CDK13: variants seen among roughly 807,000 people sequenced by gnomAD.
CDK13 encodes cyclin dependent kinase 13.
A neutral mutation model predicts 137.6 loss-of-function variants in CDK13; 40 were observed. The ratio of observed to expected loss-of-function variants is 0.29; its 90% CI spans 0.23 to 0.38. The LOEUF is 0.38. Among genes scored for constraint, CDK13 ranks in the 10% least tolerant of loss-of-function variants. CDK13 has a pLI of 1.00. For synonymous variants in CDK13, 869 were observed against 760.1 expected (o/e 1.14, Z -2.36); for missense variants, 1,704 against 1,951.8 (o/e 0.87, Z 2.39).
At position 39,955,822 on chromosome 7, in the gene CDK13, G is replaced by T. The variant is rs1384703257; in HGVS notation, c.1211+3970G>T. 2.0e-5 allele frequency among the ~76,000 whole-genome samples: 3 copies of T among 151,870 alleles called. No individual in the cohort carries two copies. In the East Asian group the frequency reaches 5.8e-4, roughly 29 times the overall value. Reference sequence around the variant, plus strand: ...GGTGGTGGTTTTCCAGAATTATTTTGATCTGAAGTTACTGATGTCAGATTA... The same window carrying T: ...GGTGGTGGTTTTCCAGAATTATTTTTATCTGAAGTTACTGATGTCAGATTA... On this transcript the variant is annotated intron_variant, in intron 1 of 13. Coordinates refer to ENST00000181839, the MANE Select transcript of CDK13 (RefSeq NM_003718.5).
At chr7:40,011,378 A>G (rs965879033) in intron 5 of CDK13, among the ~76,000 whole-genome samples, 1 of 152,182 alleles carries the variant, frequency 6.6e-6, no homozygotes, top group African/African-American at 2.4e-5. Flanking sequence ...ATTTACATAA[A>G]TCAAAATCTT....
intron 1 of CDK13, among the ~76,000 whole-genome samples, chr7:39,969,590 G>T (rs1206255508): frequency 1.3e-5 from 2 of 152,118 alleles, no homozygotes; most frequent in Non-Finnish European, 2.9e-5. Context: ...GTCCCATGGT[G>T]TTTTTCAAAA....
At position 39,962,319 on chromosome 7, in the gene CDK13, A is replaced by G. The variant is rs534633058; in HGVS notation, c.1211+10467A>G. ...CCTGTTGTTTCCTGACTTTTTAATG[A>G]TCACCATTCTAACTGGTGTGAGATG... On this transcript the variant is annotated intron_variant, in intron 1 of 13. Transcript: ENST00000181839. 1.5e-3 allele frequency among the ~76,000 whole-genome samples: 231 copies of G among 152,276 alleles called. 1 individual carries two copies. The highest frequency in any genetic ancestry group is 5.4e-3 in the African/African-American group (225 of 41,564).
Position 39,996,875 on chromosome 7 carries a change from A to G in CDK13, c.1872-619A>G, listed in dbSNP as rs572939615. On this transcript the variant is annotated intron_variant, in intron 2 of 13. Transcript: ENST00000181839. ...CTATTTGGGAGGCTTGAGACAAGAT[A>G]ATCGCTTGAACCCAGGAGGTGGAGG... 9.4e-5 allele frequency among the ~76,000 whole-genome samples: 14 copies of G among 149,082 alleles called. No homozygotes were observed. In the East Asian group the frequency reaches 1.0e-3, roughly 11 times the overall value.
intron 1 of CDK13, among the ~76,000 whole-genome samples, chr7:39,979,245 TC>T (rs1784174909): frequency 6.6e-6 from 1 of 151,000 alleles, no homozygotes; most frequent in Non-Finnish European, 1.5e-5. Flanking sequence ...GACAGAGTTT[TC>T]GCTCTTGTTG....
chr7:40,045,737 T>C, intron 5 of CDK13, 99 bp from the exon 6 acceptor site: 1 of 747,822 alleles, frequency 1.3e-6, no homozygotes, highest in Non-Finnish European at 2.2e-6. Flanking sequence ...TTTTCAAGGA[T>C]TAATTCTTCC....
intron 2 of CDK13, among the ~76,000 whole-genome samples, chr7:39,992,619 G>A (rs1218003525): frequency 6.6e-6 from 1 of 151,784 alleles, no homozygotes; most frequent in Admixed American, 6.6e-5. Flanking sequence ...TAATCTAACA[G>A]AAATAAATAA....
In CDK13 at chr7:40,006,739, G is replaced by A. The variant is rs367632007; in HGVS notation, c.2353+4708G>A. ...AGAGGTTGCAGTGAGCCGAGATTGC[G>A]CCACTGCACTCCAGCCTGGGCGACA... is the stretch of plus-strand genomic sequence containing the variant. On this transcript the variant is annotated intron_variant, in intron 5 of 13. Transcript: ENST00000181839. Among the ~76,000 whole-genome samples the A allele has an allele frequency of 7.8e-4, 119 of 152,206 alleles. 1 individual carries two copies. The South Asian group carries it at 0.022, about 28-fold the overall frequency.
In CDK13 at chr7:40,080,437, CAGTT is replaced by C. The variant is rs541793858; in HGVS notation, c.3029+1589_3029+1592del. Among the ~76,000 whole-genome samples, 5 of 152,118 alleles carry C rather than the reference CAGTT, an allele frequency of 3.3e-5. No individual in the cohort carries two copies. The South Asian group carries it at 1.0e-3, about 31-fold the overall frequency. Reference sequence around the variant, plus strand: ...TTCAAATCCTGGTTCTTCTGCTTATCAGTTAGATAGTGCTTATTATATTTCTATG... The same window carrying C: ...TTCAAATCCTGGTTCTTCTGCTTATCAGATAGTGCTTATTATATTTCTATG... On this transcript the variant is annotated intron_variant, in intron 11 of 13. Coordinates refer to ENST00000181839, the MANE Select transcript of CDK13 (RefSeq NM_003718.5).
At chr7:40,065,075 T>C (rs1017650964) in intron 9 of CDK13, among the ~76,000 whole-genome samples, 2 of 147,888 alleles carry the variant, frequency 1.4e-5, no homozygotes, top group African/African-American at 4.9e-5. Flanking sequence ...TCCCAAAATG[T>C]GTCATACCTT....
chr7:39,961,738 A>C (rs1783738799), intron 1 of CDK13, among the ~76,000 whole-genome samples: 1 of 151,836 alleles, frequency 6.6e-6, no homozygotes, highest in Non-Finnish European at 1.5e-5. Context: ...TGCACCCATT[A>C]ACTCATCATT....
chr7:40,027,155 C>T (rs996795352), intron 5 of CDK13, among the ~76,000 whole-genome samples: 8 of 152,140 alleles, frequency 5.3e-5, no homozygotes, highest in African/African-American at 1.9e-4. Flanking sequence ...ACCAGCCTGG[C>T]CACCATGGTG....
intron 5 of CDK13, among the ~76,000 whole-genome samples, chr7:40,036,794 A>G (rs1280862715): frequency 6.6e-6 from 1 of 152,048 alleles, no homozygotes; most frequent in African/African-American, 2.4e-5. Flanking sequence ...TGGAGAGACA[A>G]TAGATAATGA....
chr7:39,976,315 TCTCTCTCTCACACACACA>T (rs1784106322), intron 1 of CDK13, among the ~76,000 whole-genome samples: 1 of 68,616 alleles, frequency 1.5e-5, no homozygotes, highest in East Asian at 4.0e-4. Context: ...TCTCTCTCTC[TCTCTCTCTCACACACACA>T]CACACACACA....
chr7:39,995,278 A>G (rs1004419870), intron 2 of CDK13, among the ~76,000 whole-genome samples: 3 of 152,180 alleles, frequency 2.0e-5, no homozygotes, highest in Non-Finnish European at 4.4e-5. Context: ...GTTTTAAATT[A>G]TAAGTGAAAT....
chr7:40,081,803 G>T (rs185505178), intron 11 of CDK13, among the ~76,000 whole-genome samples: 5 of 152,062 alleles, frequency 3.3e-5, no homozygotes, highest in Admixed American at 3.3e-4. Flanking sequence ...GTAGAGACAG[G>T]GTTTCTCCAT....
chr7:40,067,897 C>T (rs1301831286), intron 9 of CDK13: 1 of 152,138 alleles, frequency 6.6e-6, no homozygotes, highest in African/African-American at 2.4e-5. Flanking sequence ...GAGTTTGAGA[C>T]CAGCCCGGCC....
chr7:39,986,507 C>G (rs1338969913), intron 1 of CDK13: 1 of 152,188 alleles, frequency 6.6e-6, no homozygotes. Flanking sequence ...CTATTTGTGG[C>G]ATAGTTCTTT....
At chr7:40,030,730 T>G (rs975501603) in intron 5 of CDK13, among the ~76,000 whole-genome samples, 3 of 152,038 alleles carry the variant, frequency 2.0e-5, no homozygotes, top group Non-Finnish European at 4.4e-5. Flanking sequence ...TTATCCATAG[T>G]TTTGCCTTTT....
Sources: allele counts gnomAD v4.1 joint callset (sites outside exome capture counted in the v4.1 genomes callset), GRCh38; gene constraint gnomAD v4.1.1; transcripts MANE v1.5; gene names NCBI Gene and HGNC (gene_info 2026-07-23, HGNC 2026-07-21).